The following GNAL variants were observed in gnomAD, a reference collection of about 807,000 sequenced individuals.
GNAL encodes guanine nucleotide-binding protein G(olf) subunit alpha.
Under a neutral mutation model 55.1 loss-of-function variants are expected in GNAL, and 18 were observed. The observed-to-expected ratio is 0.33, with a 90% confidence interval of 0.23 to 0.48. The LOEUF (loss-of-function observed/expected upper bound fraction) is 0.48. Among genes scored for constraint, GNAL ranks in the 20% least tolerant of loss-of-function variants. The pLI, the probability that GNAL is intolerant of heterozygous loss-of-function variation, is 0.99. For missense variants in GNAL, 412 were observed against 614.1 expected (o/e 0.67, Z 3.48); for synonymous variants, 253 against 237.0 (o/e 1.07, Z -0.62).
At chr18:11,767,336 T>G (rs2033440839) in intron 4 of GNAL, among the ~76,000 whole-genome samples, 1 of 151,870 alleles carries the variant, frequency 6.6e-6, no homozygotes, top group Non-Finnish European at 1.5e-5. Flanking sequence ...TTACTCTGTG[T>G]GCACCCTTAT....
chr18:11,704,714 C>A (rs1598403238), intron 1 of GNAL, among the ~76,000 whole-genome samples: 1 of 152,178 alleles, frequency 6.6e-6, no homozygotes, highest in Non-Finnish European at 1.5e-5. Context: ...AAAGCTTGCT[C>A]ATACCCAGAA....
chr18:11,774,879 T>G (rs2033735888), intron 4 of GNAL, among the ~76,000 whole-genome samples: 2 of 152,254 alleles, frequency 1.3e-5, no homozygotes, highest in South Asian at 4.1e-4. Context: ...CGGGTATATT[T>G]CTAAGTCTTA....
chr18:11,806,848 C>G (rs1266995744), intron 4 of GNAL, among the ~76,000 whole-genome samples: 1 of 151,036 alleles, frequency 6.6e-6, no homozygotes. Context: ...ATTTGGTATT[C>G]TGTTCTTGTG....
Position 11,880,075 on chromosome 18 carries a change from G to A in GNAL, c.1231-914G>A, listed in dbSNP as rs760923062. Reference sequence around the variant, plus strand: ...AGTTCAAGACCAGCCTGACCAACATGGTGAAACCCCGTCTCTACTAAAAAT... The same window carrying A: ...AGTTCAAGACCAGCCTGACCAACATAGTGAAACCCCGTCTCTACTAAAAAT... On this transcript the variant is annotated intron_variant, in intron 11 of 11. Coordinates refer to ENST00000334049, the MANE Select transcript of GNAL (RefSeq NM_182978.4). Among the ~76,000 whole-genome samples, 62 of 151,550 alleles carry A rather than the reference G, an allele frequency of 4.1e-4. 1 individual carries two copies. Among genetic ancestry groups the A allele is most frequent in the Non-Finnish European group, 7.1e-4 (48 of 67,914 alleles).
At position 11,751,455 on chromosome 18, in the gene GNAL, C is replaced by A; in HGVS notation, c.377-1398C>A. 1 of 966,696 alleles carries A rather than the reference C, an allele frequency of 1.0e-6. No individual in the cohort carries two copies. The highest frequency in any genetic ancestry group is 6.1e-5 in the Admixed American group (1 of 16,270). 59.9% of individuals were successfully genotyped at this position (966,696 alleles called of 1,614,324 possible). A position where few individuals can be genotyped will look rare whatever the true frequency, so the allele number is the denominator to read the frequency against. ...AGACAGGAGGCTCGGGAGGCGGCGACGTGGGCGAGCTGGAATAGTCTAGAA... is the reference window on the plus strand; with the variant it reads ...AGACAGGAGGCTCGGGAGGCGGCGAAGTGGGCGAGCTGGAATAGTCTAGAA... On this transcript the variant is annotated intron_variant, in intron 1 of 11. Transcript: ENST00000334049. The surrounding 1 kb of genome is among the most constrained non-coding windows in gnomAD (Gnocchi z 4.5).
intron 1 of GNAL, among the ~76,000 whole-genome samples, chr18:11,691,807 C>G (rs928331096): frequency 1.3e-5 from 2 of 152,144 alleles, no homozygotes; most frequent in Admixed American, 6.5e-5. Flanking sequence ...GAGATTTGCT[C>G]CGCTTGAGAA....
At position 11,751,398 on chromosome 18, in the gene GNAL, C is replaced by CAA; in HGVS notation, c.377-1454_377-1453insAA. On this transcript the variant is annotated intron_variant, in intron 1 of 11. Transcript: ENST00000334049. The surrounding 1 kb of genome is among the most constrained non-coding windows in gnomAD (Gnocchi z 4.5). ...GAAGAGTTGTTGTGCTGCTTGGGAGCACTGCACAGGAGAAACGGGGGCTGG... is the reference window on the plus strand; with the variant it reads ...GAAGAGTTGTTGTGCTGCTTGGGAGCAAACTGCACAGGAGAAACGGGGGCTGG... 2.1e-6 allele frequency: 1 copy of CAA among 480,940 alleles called. No homozygotes were observed. The highest frequency in any genetic ancestry group is 2.7e-6 in the Non-Finnish European group (1 of 368,612). The allele number at this position is 480,940 out of a possible 1,614,324, so 29.8% of individuals were successfully genotyped here. A position where few individuals can be genotyped will look rare whatever the true frequency, so the allele number is the denominator to read the frequency against.
At chr18:11,864,025 A>G (rs2036205306) in intron 6 of GNAL, among the ~76,000 whole-genome samples, 1 of 152,140 alleles carries the variant, frequency 6.6e-6, no homozygotes, top group African/African-American at 2.4e-5. Flanking sequence ...TCTTGGGGCC[A>G]AACCAACACA....
chr18:11,716,909 C>T (rs1282055567), intron 1 of GNAL, among the ~76,000 whole-genome samples: 2 of 152,224 alleles, frequency 1.3e-5, no homozygotes, highest in African/African-American at 4.8e-5. Flanking sequence ...ACGGGGGCTG[C>T]AGGTGGAGCT....
At chr18:11,784,991 G>A (rs1331974884) in intron 4 of GNAL, among the ~76,000 whole-genome samples, 1 of 152,204 alleles carries the variant, frequency 6.6e-6, no homozygotes, top group African/African-American at 2.4e-5. Flanking sequence ...AAGACAATTA[G>A]CACAATGTTG....
At chr18:11,835,477 A>C (rs566022876) in intron 5 of GNAL, among the ~76,000 whole-genome samples, 4 of 152,284 alleles carry the variant, frequency 2.6e-5, no homozygotes, top group African/African-American at 9.6e-5. Flanking sequence ...GAAAAAAAAA[A>C]GCCTAAAAGT....
chr18:11,801,945 G>C (rs2034532763), intron 4 of GNAL, among the ~76,000 whole-genome samples: 1 of 152,074 alleles, frequency 6.6e-6, no homozygotes, highest in Non-Finnish European at 1.5e-5. Context: ...TAAGGAACTG[G>C]TAATAGCAAT....
chr18:11,741,615 A>C (rs2032577248), intron 1 of GNAL, among the ~76,000 whole-genome samples: 1 of 152,204 alleles, frequency 6.6e-6, no homozygotes, highest in Non-Finnish European at 1.5e-5. Context: ...CTAGATGTAT[A>C]GTAGGTGTTC....
intron 1 of GNAL, among the ~76,000 whole-genome samples, chr18:11,728,971 G>A (rs1229377182): frequency 3.3e-5 from 5 of 152,270 alleles, no homozygotes; most frequent in East Asian, 1.9e-4. Flanking sequence ...TGGGATGGAC[G>A]AGTTAGTACT....
chr18:11,847,914 G>A (rs2035774110), intron 5 of GNAL, among the ~76,000 whole-genome samples: 1 of 152,144 alleles, frequency 6.6e-6, no homozygotes, highest in Non-Finnish European at 1.5e-5. Flanking sequence ...GGAATATAAA[G>A]AATGGAAAAA....
rs973945175 is a variant in GNAL at position 11,751,862 on chromosome 18, G to A, written c.377-991G>A. ...CGCACCGGGATCCCAGACCAGGGAG[G>A]GGGCGCACGTCCGACGGCTGAGGAA... is the stretch of plus-strand genomic sequence containing the variant. On this transcript the variant is annotated intron_variant, in intron 1 of 11. Coordinates refer to ENST00000334049, the MANE Select transcript of GNAL (RefSeq NM_182978.4). The surrounding 1 kb of genome is among the most constrained non-coding windows in gnomAD (Gnocchi z 4.5). Among the ~76,000 whole-genome samples the A allele has an allele frequency of 6.6e-5, 10 of 152,198 alleles. No homozygotes were observed. Among genetic ancestry groups the A allele is most frequent in the Non-Finnish European group, 1.5e-4 (10 of 68,016 alleles).
chr18:11,870,631 A>C (rs895227092), intron 9 of GNAL, among the ~76,000 whole-genome samples: 1 of 152,192 alleles, frequency 6.6e-6, no homozygotes, highest in Non-Finnish European at 1.5e-5. Context: ...CACAATCACC[A>C]CATAATCATG....
chr18:11,750,789 G>A (rs1192448247), intron 1 of GNAL, among the ~76,000 whole-genome samples: 1 of 152,064 alleles, frequency 6.6e-6, no homozygotes, highest in African/African-American at 2.4e-5. Context: ...GAGGAAAACT[G>A]GTGGAACTAA....
chr18:11,791,905 T>C (rs2034248895), intron 4 of GNAL, among the ~76,000 whole-genome samples: 1 of 152,206 alleles, frequency 6.6e-6, no homozygotes. Flanking sequence ...CTCTCACAGG[T>C]GTCTCCCCTG....
Sources: gnomAD v4.1 joint callset for allele counts (sites outside exome capture counted in the v4.1 genomes callset) on GRCh38, gnomAD v4.1.1 for gene constraint, Gnocchi (gnomAD v3.1) non-coding constraint, MANE v1.5 for transcripts, NCBI Gene and HGNC (gene_info 2026-07-23, HGNC 2026-07-21) for gene names.